Variants in PTAFR observed in about 807,000 individuals in gnomAD.
The protein encoded by PTAFR is platelet activating factor receptor.
A neutral mutation model predicts 14.7 loss-of-function variants in PTAFR; 8 were observed. That is an observed-to-expected ratio of 0.54 (90% CI 0.32 to 0.98). The LOEUF is 0.98. Ranked by LOEUF, PTAFR falls within the 50% of genes least tolerant of loss-of-function variation. The probability of loss-of-function intolerance (pLI) is 0.04; values close to 1 mark genes in which losing one functional copy is unlikely to be tolerated. For missense variants in PTAFR, 337 were observed against 451.2 expected (o/e 0.75, Z 2.29); for synonymous variants, 156 against 176.5 (o/e 0.88, Z 0.92).
chr1:28,159,553 T>C (rs1192759139), intron 1 of PTAFR, among the ~76,000 whole-genome samples: 2 of 151,990 alleles, frequency 1.3e-5, no homozygotes, highest in Non-Finnish European at 2.9e-5. Flanking sequence ...AGAAGTTCGA[T>C]TGAGCCAGGC....
In PTAFR at chr1:28,147,592, A is replaced by T. The variant is rs1311195765; in HGVS notation, c.*2401T>A. 1 of 152,178 alleles carries T rather than the reference A, an allele frequency of 6.6e-6. No individual in the cohort carries two copies. Among genetic ancestry groups the T allele is most frequent in the Non-Finnish European group, 1.5e-5 (1 of 68,122 alleles). The allele number at this position is 152,178 out of a possible 1,614,324, so 9.4% of individuals were successfully genotyped here. ...GCAACACACACAGACAAACACACAC[A>T]CATGGACACAGTCACAGCTCCAGGG... On this transcript the variant is annotated 3_prime_UTR_variant, in exon 2 of 2. Coordinates refer to ENST00000373857, the MANE Select transcript of PTAFR (RefSeq NM_000952.5).
In PTAFR at chr1:28,175,633, G is replaced by A. The variant is rs550025481; in HGVS notation, c.-39+959C>T. Among the ~76,000 whole-genome samples, 37 of 151,798 alleles carry A rather than the reference G, an allele frequency of 2.4e-4. No homozygotes were observed. The South Asian group carries it at 7.5e-3, about 31-fold the overall frequency. On this transcript the variant is annotated intron_variant, in intron 1 of 1. Coordinates refer to ENST00000373857, the MANE Select transcript of PTAFR (RefSeq NM_000952.5). Reference sequence around the variant, plus strand: ...GCAGAGGACGGTGGGTGCCAGCCTGGGCCCTGTCCCCAGCACCTGGGACCT... The same window carrying A: ...GCAGAGGACGGTGGGTGCCAGCCTGAGCCCTGTCCCCAGCACCTGGGACCT...
intron 1 of PTAFR, among the ~76,000 whole-genome samples, chr1:28,152,982 A>G (rs1646212459): frequency 6.6e-6 from 1 of 152,108 alleles, no homozygotes. Flanking sequence ...TTATTATCTT[A>G]ATAATTTAAA....
At chr1:28,182,005 T>C (rs1646566501) in intron 1 of PTAFR, among the ~76,000 whole-genome samples, 1 of 151,370 alleles carries the variant, frequency 6.6e-6, no homozygotes. Flanking sequence ...GCTACATGAA[T>C]CTTCTCGGAT....
intron 1 of PTAFR, among the ~76,000 whole-genome samples, chr1:28,157,464 G>A (rs964533416): frequency 3.3e-5 from 5 of 152,066 alleles, no homozygotes; most frequent in African/African-American, 1.2e-4. Context: ...ACTGTGCCTG[G>A]CCAATAAATA....
intron 1 of PTAFR, among the ~76,000 whole-genome samples, chr1:28,186,621 C>T (rs1222200338): frequency 1.3e-5 from 2 of 152,134 alleles, no homozygotes; most frequent in Non-Finnish European, 2.9e-5. Context: ...ACTTTAAAGT[C>T]ACAGTATTAA....
intron 1 of PTAFR, among the ~76,000 whole-genome samples, chr1:28,156,782 C>A (rs1401903223): frequency 6.6e-6 from 1 of 152,168 alleles, no homozygotes; most frequent in Non-Finnish European, 1.5e-5. Context: ...CATCCAGGAC[C>A]GGCCTTGTTT....
chr1:28,156,219 T>C (rs1045869330), intron 1 of PTAFR, among the ~76,000 whole-genome samples: 75 of 150,742 alleles, frequency 5.0e-4, no homozygotes, highest in African/African-American at 1.6e-3. Context: ...GCCGAGATCA[T>C]GCCATTGCAT....
At chr1:28,175,520 C>T (rs375922502) in intron 1 of PTAFR, among the ~76,000 whole-genome samples, 58 of 151,966 alleles carry the variant, frequency 3.8e-4, no homozygotes, top group African/African-American at 1.2e-3. Context: ...TAAAGGAGAG[C>T]AGCCAGAGGT....
At chr1:28,165,493 A>G (rs1191653053) in intron 1 of PTAFR, among the ~76,000 whole-genome samples, 1 of 151,452 alleles carries the variant, frequency 6.6e-6, no homozygotes. Flanking sequence ...ACTACAAAAC[A>G]TTGCTGAAGG....
chr1:28,178,325 A>G (rs1171595368), upstream of PTAFR, among the ~76,000 whole-genome samples: 1 of 151,870 alleles, frequency 6.6e-6, no homozygotes, highest in Non-Finnish European at 1.5e-5. Context: ...CAGTGATGCA[A>G]TCTCAGCTCA....
rs1646154089 is a variant in PTAFR, at chr1:28,149,548, T to TG, written c.*444dup. 6.1e-6 allele frequency: 1 copy of TG among 165,276 alleles called. No individual in the cohort carries two copies. The highest frequency in any genetic ancestry group is 5.6e-5 in the Admixed American group (1 of 17,806). 10.2% of individuals were successfully genotyped at this position (165,276 alleles called of 1,614,324 possible). On this transcript the variant is annotated 3_prime_UTR_variant, in exon 2 of 2. Transcript: ENST00000373857. The stretch of plus-strand genomic sequence containing the variant: ...TGGGGTTTTACAATGTTGGCCAGGA[T>TG]GGTCTCGATCTCTTGACCCATGATC...
chr1:28,150,146 G>C lies in PTAFR; in HGVS notation c.876C>G (p.Ile292Met). ...LSTNCVLDPV[I>M]YCFLTKKFRK... Reference sequence around the variant, plus strand: ...GGAACTTCTTGGTGAGGAAACAGTAGATAACAGGGTCTAAGACACAGTTGG... The same window carrying C: ...GGAACTTCTTGGTGAGGAAACAGTACATAACAGGGTCTAAGACACAGTTGG... The change falls in exon 2 of 2, where the codon ATC becomes ATG. Residue 292 changes from isoleucine (I) to methionine (M), a missense_variant. Ile to Met is a conservative substitution (Grantham distance 10). Coordinates refer to ENST00000373857, the MANE Select transcript of PTAFR (RefSeq NM_000952.5). The surrounding 1 kb of genome is among the most constrained non-coding windows in gnomAD (Gnocchi z 6.3). 1 of 1,614,196 alleles carries C rather than the reference G, an allele frequency of 6.2e-7. No individual in the cohort carries two copies.
intron 1 of PTAFR, among the ~76,000 whole-genome samples, chr1:28,189,651 C>A (rs1022917461): frequency 6.6e-6 from 1 of 151,558 alleles, no homozygotes; most frequent in Non-Finnish European, 1.5e-5. Context: ...TAATGCGATA[C>A]TAAAAAAGCA....
intron 1 of PTAFR, among the ~76,000 whole-genome samples, chr1:28,182,326 ACT>A: frequency 1.3e-5 from 2 of 150,736 alleles, no homozygotes; most frequent in Middle Eastern, 6.8e-3. Context: ...ACAGAGTGAG[ACT>A]CTGTCAAAAA....
intron 1 of PTAFR, among the ~76,000 whole-genome samples, chr1:28,174,958 G>C (rs753283310): frequency 3.3e-5 from 5 of 152,104 alleles, no homozygotes; most frequent in African/African-American, 1.2e-4. Context: ...ACGGAGTCTC[G>C]CTCTGTTGCC....
At chr1:28,184,622 C>A (rs1646591277) in intron 1 of PTAFR, among the ~76,000 whole-genome samples, 1 of 151,880 alleles carries the variant, frequency 6.6e-6, no homozygotes. Context: ...CTCACCTCAC[C>A]CTTTTGTTTT....
chr1:28,155,403 G>A (rs1199193532), intron 1 of PTAFR, among the ~76,000 whole-genome samples: 6 of 152,108 alleles, frequency 3.9e-5, no homozygotes, highest in African/African-American at 9.7e-5. Context: ...TAGAGACGGC[G>A]TTTCACCATG....
upstream of PTAFR, among the ~76,000 whole-genome samples, chr1:28,180,635 G>A (rs1646554906): frequency 6.6e-6 from 1 of 152,164 alleles, no homozygotes; most frequent in African/African-American, 2.4e-5. Flanking sequence ...GGGTCTGGAG[G>A]AGAAAGCAGA....
Sources: allele counts gnomAD v4.1 joint callset (sites outside exome capture counted in the v4.1 genomes callset), GRCh38; gene constraint gnomAD v4.1.1; non-coding constraint Gnocchi (gnomAD v3.1); transcripts MANE v1.5; gene names NCBI Gene and HGNC (gene_info 2026-07-23, HGNC 2026-07-21).